Variants in PDE1C observed in about 807,000 individuals in gnomAD.
The protein encoded by PDE1C is phosphodiesterase 1C.
In PDE1C, 62 loss-of-function variants were observed where a neutral mutation model predicts 93.1. The ratio of observed to expected loss-of-function variants is 0.67; its 90% CI spans 0.54 to 0.82. PDE1C has a LOEUF of 0.82. PDE1C is among the 40% of genes least tolerant of loss of function. The pLI, the probability that PDE1C is intolerant of heterozygous loss-of-function variation, is 0.00. For missense variants in PDE1C, 742 were observed against 884.6 expected (o/e 0.84, Z 2.04); for synonymous variants, 325 against 310.1 (o/e 1.05, Z -0.50).
At chr7:32,251,352 G>A (rs1347665423) in intron 1 of PDE1C, among the ~76,000 whole-genome samples, 1 of 152,150 alleles carries the variant, frequency 6.6e-6, no homozygotes, top group Non-Finnish European at 1.5e-5. Context: ...TAGCATAAGT[G>A]GCCTAGAGCT....
At chr7:31,691,285 G>A in the PDE1C span, among the ~76,000 whole-genome samples, 3 of 152,172 alleles carry the variant, frequency 2.0e-5, no homozygotes, top group South Asian at 6.2e-4. Context: ...AAAGACAACA[G>A]AGTTGAACTC....
chr7:32,118,156 T>C (rs951321128), intron 3 of PDE1C, among the ~76,000 whole-genome samples: 1 of 152,102 alleles, frequency 6.6e-6, no homozygotes, highest in African/African-American at 2.4e-5. Context: ...GGCATCGCCA[T>C]GGTTAAATAT....
At chr7:31,869,769 A>G (rs1358043720) in intron 6 of PDE1C, among the ~76,000 whole-genome samples, 1 of 152,146 alleles carries the variant, frequency 6.6e-6, no homozygotes, top group Non-Finnish European at 1.5e-5. Flanking sequence ...AAATGGACCT[A>G]ATAGACACTT....
chr7:31,795,626 T>C (rs999383557), intron 16 of PDE1C, among the ~76,000 whole-genome samples: 5 of 151,774 alleles, frequency 3.3e-5, no homozygotes, highest in African/African-American at 1.2e-4. Flanking sequence ...TAACAAAGAG[T>C]TCATAATATA....
intron 3 of PDE1C, among the ~76,000 whole-genome samples, chr7:32,097,917 C>A (rs1330118916): frequency 6.6e-6 from 1 of 152,176 alleles, no homozygotes; most frequent in Non-Finnish European, 1.5e-5. Flanking sequence ...CCATGTGCCA[C>A]ACTGTGCCCA....
upstream of PDE1C, among the ~76,000 whole-genome samples, chr7:32,302,704 A>G (rs181076738): frequency 6.6e-6 from 1 of 152,080 alleles, no homozygotes; most frequent in Non-Finnish European, 1.5e-5. Context: ...CTAGAAAAAT[A>G]TAAGACAACA....
intron 1 of PDE1C, among the ~76,000 whole-genome samples, chr7:32,242,106 A>G (rs1244219197): frequency 6.6e-6 from 1 of 152,216 alleles, no homozygotes; most frequent in Non-Finnish European, 1.5e-5. Context: ...ATTTGTGGTC[A>G]TGAATTTTTA....
chr7:31,887,726 A>T lies in PDE1C; in HGVS notation c.129-6866T>A, dbSNP rs148827068. On this transcript the variant is annotated intron_variant, in intron 2 of 17. Coordinates refer to ENST00000396191, the MANE Select transcript of PDE1C (RefSeq NM_001191057.4). ...TCACAGAGACTCTCAATAAATTTCAAGTAATTGAACTCAGACAGATAATGT... is the reference window on the plus strand; with the variant it reads ...TCACAGAGACTCTCAATAAATTTCATGTAATTGAACTCAGACAGATAATGT... Among the ~76,000 whole-genome samples the T allele has an allele frequency of 9.9e-3, 1,504 of 152,344 alleles. 14 individuals are homozygous for T. The highest frequency in any genetic ancestry group is 0.017 in the Non-Finnish European group (1,187 of 68,026).
chr7:31,835,335 T>C (rs944894263), intron 11 of PDE1C, among the ~76,000 whole-genome samples: 2 of 151,978 alleles, frequency 1.3e-5, no homozygotes, highest in African/African-American at 4.8e-5. Flanking sequence ...TTTGGAAAAA[T>C]AGCTCAAAAG....
chr7:31,655,900 CTCACCTGGCAGCCA>C, the PDE1C span: 1 of 985,514 alleles, frequency 1.0e-6, no homozygotes, highest in Non-Finnish European at 1.2e-6. Flanking sequence ...TAGGATGTCC[CTCACCTGGCAGCCA>C]TCTGCTTTAC....
At chr7:32,002,785 G>C (rs1445323262) in intron 2 of PDE1C, among the ~76,000 whole-genome samples, 1 of 151,890 alleles carries the variant, frequency 6.6e-6, no homozygotes, top group Non-Finnish European at 1.5e-5. Context: ...CTTTGAACTG[G>C]GTATTTCCTG....
chr7:32,349,428 T>A (rs987403960), intron 1 of PDE1C, among the ~76,000 whole-genome samples: 13 of 152,144 alleles, frequency 8.5e-5, no homozygotes, highest in Non-Finnish European at 2.9e-5. Context: ...GGGTCTGGCT[T>A]TAGTTCTCCC....
At chr7:32,155,729 CCT>C (rs143658364) in intron 3 of PDE1C, among the ~76,000 whole-genome samples, 392 of 152,252 alleles carry the variant, frequency 2.6e-3, no homozygotes, top group African/African-American at 9.0e-3. Context: ...ACAGGTAGCC[CCT>C]GAGGGAAAGA....
At position 32,122,430 on chromosome 7, in the gene PDE1C, A is replaced by T. The variant is rs142514819; in HGVS notation, c.308+47355T>A. Among the ~76,000 whole-genome samples the T allele has an allele frequency of 8.5e-5, 13 of 152,356 alleles. 1 individual carries two copies. The highest frequency in any genetic ancestry group is 2.6e-4 in the Admixed American group (4 of 15,308). On this transcript the variant is annotated intron_variant, in intron 3 of 18. Coordinates refer to the PDE1C transcript ENST00000396193. ...CAGAATATATGTTCTTCTCTGTGCC[A>T]CATGGGACTTATTCTAAAATCAACC... is the stretch of plus-strand genomic sequence containing the variant.
At chr7:32,237,657 A>G (rs1217677218) in intron 1 of PDE1C, among the ~76,000 whole-genome samples, 1 of 150,456 alleles carries the variant, frequency 6.6e-6, no homozygotes, top group Admixed American at 6.6e-5. Flanking sequence ...ACACCTACCA[A>G]GCATTCTTCT....
chr7:32,106,062 A>G (rs1226779812), intron 3 of PDE1C, among the ~76,000 whole-genome samples: 1 of 151,612 alleles, frequency 6.6e-6, no homozygotes, highest in African/African-American at 2.4e-5. Context: ...CCCAGGCTGG[A>G]GTGCAATGCT....
At chr7:32,115,013 G>A (rs756798988) in intron 3 of PDE1C, among the ~76,000 whole-genome samples, 4 of 152,108 alleles carry the variant, frequency 2.6e-5, no homozygotes, top group Admixed American at 6.5e-5. Flanking sequence ...TACACTATTG[G>A]TGGGAATGTA....
chr7:32,315,518 C>A (rs1417016584), intron 1 of PDE1C, among the ~76,000 whole-genome samples: 1 of 152,172 alleles, frequency 6.6e-6, no homozygotes, highest in Non-Finnish European at 1.5e-5. Flanking sequence ...TTCTTATGAA[C>A]ATATCCTGAC....
chr7:32,225,305 C>T (rs1807178811), intron 1 of PDE1C, among the ~76,000 whole-genome samples: 1 of 152,032 alleles, frequency 6.6e-6, no homozygotes, highest in Admixed American at 6.6e-5. Context: ...GTATAAGTTT[C>T]TACACAGGTT....
Sources: gnomAD v4.1 joint callset for allele counts (sites outside exome capture counted in the v4.1 genomes callset) on GRCh38, gnomAD v4.1.1 for gene constraint, MANE v1.5 for transcripts, NCBI Gene and HGNC (gene_info 2026-07-23, HGNC 2026-07-21) for gene names.